SESTD1: variants seen among roughly 807,000 people sequenced by gnomAD.
The protein encoded by SESTD1 is SEC14 domain and spectrin repeat-containing protein 1.
In SESTD1, 43 loss-of-function variants were observed where a neutral mutation model predicts 101.7. That is an observed-to-expected ratio of 0.42 (90% confidence interval 0.33 to 0.55). The LOEUF (loss-of-function observed/expected upper bound fraction) is 0.55, where lower values mean the gene tolerates loss of function less well. Among genes scored for constraint, SESTD1 ranks in the 20% least tolerant of loss-of-function variants. SESTD1 has a pLI of 0.07. For missense variants in SESTD1, 647 were observed against 815.1 expected, an observed-to-expected ratio of 0.79 and a Z score of 2.51; for synonymous variants, 283 against 286.8, an observed-to-expected ratio of 0.99 and a Z score of 0.13.
intron 3 of SESTD1, among the ~76,000 whole-genome samples, chr2:179,181,141 A>G (rs1352064904): frequency 6.6e-6 from 1 of 152,140 alleles, no homozygotes; most frequent in Admixed American, 6.6e-5. Flanking sequence ...TGAGAAAGAG[A>G]AAGAAAAAAT....
intron 9 of SESTD1, among the ~76,000 whole-genome samples, chr2:179,133,382 T>C (rs562546784): frequency 6.6e-6 from 1 of 152,132 alleles, no homozygotes; most frequent in Non-Finnish European, 1.5e-5. Context: ...GTAACGTAGT[T>C]GACATTCCAA....
At chr2:179,193,875 C>T (rs551887970) in intron 1 of SESTD1, among the ~76,000 whole-genome samples, 106 of 152,262 alleles carry the variant, frequency 7.0e-4, no homozygotes, top group Middle Eastern at 3.4e-3. Context: ...GGAATCCTCC[C>T]GGCCACCAGG....
intron 9 of SESTD1, among the ~76,000 whole-genome samples, chr2:179,133,171 C>T (rs1340051410): frequency 6.6e-6 from 1 of 151,982 alleles, no homozygotes; most frequent in Non-Finnish European, 1.5e-5. Context: ...CTGAGTCCCT[C>T]AAGCAGGTAT....
At chr2:179,247,224 T>A (rs1018503659) in intron 1 of SESTD1, among the ~76,000 whole-genome samples, 16 of 149,626 alleles carry the variant, frequency 1.1e-4, no homozygotes, top group African/African-American at 3.7e-4. Flanking sequence ...TCAGGGTAGT[T>A]TTTTTTTTTT....
intron 1 of SESTD1, 50 bp from the exon 2 acceptor site, chr2:179,191,916 C>T (rs963632065): frequency 6.7e-6 from 8 of 1,191,898 alleles, no homozygotes; most frequent in East Asian, 2.4e-5. Context: ...AATTATTCCA[C>T]GAAATATATC....
chr2:179,262,626 A>C (rs531782491), intron 1 of SESTD1, among the ~76,000 whole-genome samples: 1 of 152,354 alleles, frequency 6.6e-6, no homozygotes, highest in South Asian at 2.1e-4. Context: ...ACTTTCTAAA[A>C]ATCGGATTAG....
intron 1 of SESTD1, among the ~76,000 whole-genome samples, chr2:179,244,622 T>C (rs2047204133): frequency 6.6e-6 from 1 of 152,070 alleles, no homozygotes; most frequent in Non-Finnish European, 1.5e-5. Context: ...GAAGAAAAAC[T>C]AAGCAAAACT....
At chr2:179,172,339 G>A in intron 4 of SESTD1, 106 bp from the exon 5 acceptor site, 1 of 610,184 alleles carries the variant, frequency 1.6e-6, no homozygotes, top group East Asian at 3.1e-5. Context: ...AGAGATTTTT[G>A]GAGAAGAATT....
At chr2:179,116,901 T>C in intron 14 of SESTD1, 111 bp from the exon 15 acceptor site, 1 of 1,373,688 alleles carries the variant, frequency 7.3e-7, no homozygotes, top group South Asian at 1.4e-5. Context: ...CCGTTAATTA[T>C]AACCTAAAGT....
intron 1 of SESTD1, among the ~76,000 whole-genome samples, chr2:179,235,701 T>C (rs2047056515): frequency 6.6e-6 from 1 of 152,196 alleles, no homozygotes; most frequent in African/African-American, 2.4e-5. Flanking sequence ...CTTTACGCAC[T>C]TGCAAAATTA....
At chr2:179,236,323 TAAAA>T (rs552456681) in intron 1 of SESTD1, among the ~76,000 whole-genome samples, 1 of 66,726 alleles carries the variant, frequency 1.5e-5, no homozygotes, top group East Asian at 4.2e-4. Flanking sequence ...CCTCATCTCT[TAAAA>T]AAAAAAAAAA....
At chr2:179,146,291 T>C (rs1181610305) in intron 8 of SESTD1, 111 bp downstream of exon 8, 5 of 1,020,234 alleles carry the variant, frequency 4.9e-6, no homozygotes, top group Non-Finnish European at 7.3e-6. Flanking sequence ...AAATTTCCCC[T>C]TGAGTTCCTT....
intron 5 of SESTD1, among the ~76,000 whole-genome samples, chr2:179,155,279 T>C (rs2045607131): frequency 6.6e-6 from 1 of 151,846 alleles, no homozygotes; most frequent in African/African-American, 2.4e-5. Flanking sequence ...CACAATCAGA[T>C]CCCAGAAAAG....
chr2:179,131,076 G>A (rs1198518098), intron 10 of SESTD1, among the ~76,000 whole-genome samples: 1 of 148,166 alleles, frequency 6.7e-6, no homozygotes, highest in Non-Finnish European at 1.5e-5. Context: ...GAATATATAT[G>A]TAGTGCCTTT....
In SESTD1 at chr2:179,121,814, G is replaced by T; in HGVS notation, c.1398C>A (p.Asp466Glu). 1 of 1,604,340 alleles carries T rather than the reference G, an allele frequency of 6.2e-7. No individual in the cohort carries two copies. The highest frequency in any genetic ancestry group is 8.5e-7 in the Non-Finnish European group (1 of 1,175,332). Residue 466 changes from aspartate (D) to glutamate (E), a missense_variant, in exon 13 of 18, where the codon GAC becomes GAA. By Grantham distance (45) the Asp-to-Glu change is conservative. Coordinates refer to ENST00000428443, the MANE Select transcript of SESTD1 (RefSeq NM_178123.5). ...TATCTTCCATCACTCCTTGTATGTGGTCCACATTTTCTTTATTTTCAATGG... is the reference window on the plus strand; with the variant it reads ...TATCTTCCATCACTCCTTGTATGTGTTCCACATTTTCTTTATTTTCAATGG... ...DVTIENKENV[D>E]HIQGVMEDMQ...
chr2:179,193,812 A>G (rs2046352557), intron 1 of SESTD1, among the ~76,000 whole-genome samples: 1 of 152,170 alleles, frequency 6.6e-6, no homozygotes, highest in South Asian at 2.1e-4. Flanking sequence ...TCAAAAACAA[A>G]GTTTAATTTT....
intron 13 of SESTD1, among the ~76,000 whole-genome samples, chr2:179,119,582 C>CTGCA (rs1224888520): frequency 1.3e-5 from 2 of 152,150 alleles, no homozygotes; most frequent in South Asian, 4.1e-4. Context: ...CTCTCCAGCC[C>CTGCA]TGCAAAGCTG....
intron 1 of SESTD1, among the ~76,000 whole-genome samples, chr2:179,227,574 C>T (rs1457258686): frequency 6.6e-6 from 1 of 152,150 alleles, no homozygotes; most frequent in African/African-American, 2.4e-5. Context: ...AAAGAAAAAG[C>T]ACAACACAAA....
intron 5 of SESTD1, among the ~76,000 whole-genome samples, chr2:179,153,598 C>T (rs759381429): frequency 1.4e-4 from 22 of 152,088 alleles, no homozygotes; most frequent in Non-Finnish European, 2.8e-4. Context: ...ATGTATGTTC[C>T]TAGCATCCAG....
Sources: allele counts gnomAD v4.1 joint callset (sites outside exome capture counted in the v4.1 genomes callset), GRCh38; gene constraint gnomAD v4.1.1; transcripts MANE v1.5; gene names NCBI Gene and HGNC (gene_info 2026-07-23, HGNC 2026-07-21).